Variants in TSPAN7 observed in about 807,000 individuals in gnomAD.
TSPAN7 encodes tetraspanin 7, also known as tetraspanin-7.
In TSPAN7, 1 loss-of-function variant was observed where a neutral mutation model predicts 17.6. That is an observed-to-expected ratio of 0.06 (90% CI 0.02 to 0.27). The LOEUF (loss-of-function observed/expected upper bound fraction) is 0.27. Among genes scored for constraint, TSPAN7 ranks in the 10% least tolerant of loss-of-function variants. The pLI, the probability that TSPAN7 is intolerant of heterozygous loss-of-function variation, is 1.00. For missense variants in TSPAN7, 112 were observed against 201.7 expected, an observed-to-expected ratio of 0.56 and a Z score of 2.69; for synonymous variants, 78 against 79.0, an observed-to-expected ratio of 0.99 and a Z score of 0.07.
At chrX:38,610,365 T>C (rs1002554721) in intron 1 of TSPAN7, among the ~76,000 whole-genome samples, 1 of 112,179 alleles carries the variant, frequency 8.9e-6, no homozygotes, top group Non-Finnish European at 1.9e-5. Flanking sequence ...CTATGCTGCA[T>C]GGCATATGTA....
intron 1 of TSPAN7, chrX:38,608,091 GTAAGAAA>G (rs1235149261): frequency 2.7e-5 from 3 of 110,355 alleles, no homozygotes; most frequent in Admixed American, 9.7e-5. Context: ...TGGCAGTGTG[GTAAGAAA>G]TAAGTCGAAG....
At chrX:38,659,516 T>C (rs780336106) in intron 1 of TSPAN7, among the ~76,000 whole-genome samples, 1 of 112,055 alleles carries the variant, frequency 8.9e-6, no homozygotes, top group Non-Finnish European at 1.9e-5. Context: ...ATCAGGTTTC[T>C]CTACTTCCTG....
intron 1 of TSPAN7, among the ~76,000 whole-genome samples, chrX:38,572,524 C>T (rs1485039165): frequency 1.8e-5 from 2 of 111,731 alleles, no homozygotes; most frequent in Non-Finnish European, 3.8e-5. Context: ...TTTATTCTTA[C>T]CTCAGACTGC....
intron 1 of TSPAN7, among the ~76,000 whole-genome samples, chrX:38,565,456 T>G (rs973500937): frequency 3.6e-5 from 4 of 111,966 alleles, no homozygotes; most frequent in African/African-American, 1.3e-4. Context: ...TCTCGATCCC[T>G]TGACCTCGTG....
rs199670154 is a variant in TSPAN7, at chrX:38,561,658, T to A, written c.81+31T>A. ...TGCCCACGCCGGGCCGGTGGCCGAG[T>A]CGCTGTCCATCGGTCCGTATGATGA... On this transcript the variant is annotated intron_variant, in intron 1 of 7. Coordinates refer to ENST00000378482, the MANE Select transcript of TSPAN7 (RefSeq NM_004615.4). 4.7e-5 allele frequency: 52 copies of A among 1,117,363 alleles called. No homozygotes were observed. The Admixed American group carries it at 6.4e-4, about 14-fold the overall frequency. The allele number at this position is 1,117,363 out of a possible 1,213,427, so 92.1% of individuals were successfully genotyped here. A position where few individuals can be genotyped will look rare whatever the true frequency, so the allele number is the denominator to read the frequency against.
chrX:38,680,018 A>G (rs1048407016), intron 5 of TSPAN7, among the ~76,000 whole-genome samples: 4 of 111,574 alleles, frequency 3.6e-5, no homozygotes, highest in African/African-American at 1.3e-4. Flanking sequence ...AAAAACAACT[A>G]TGGGTACTAG....
intron 1 of TSPAN7, among the ~76,000 whole-genome samples, chrX:38,602,929 T>C (rs1333943179): frequency 8.9e-6 from 1 of 111,842 alleles, no homozygotes; most frequent in Non-Finnish European, 1.9e-5. Flanking sequence ...GTGGATATTC[T>C]GTACTACCGA....
At chrX:38,663,850 G>C (rs1305783087) in intron 1 of TSPAN7, among the ~76,000 whole-genome samples, 3 of 112,258 alleles carry the variant, frequency 2.7e-5, no homozygotes, top group African/African-American at 9.7e-5. Context: ...TCTCATACTT[G>C]ATTAGCAGTA....
intron 1 of TSPAN7, among the ~76,000 whole-genome samples, chrX:38,584,973 T>C (rs2069250473): frequency 8.9e-6 from 1 of 112,466 alleles, no homozygotes; most frequent in African/African-American, 3.2e-5. Context: ...ATACTCTTTG[T>C]ATTTTGTAAC....
intron 1 of TSPAN7, among the ~76,000 whole-genome samples, chrX:38,650,202 C>T (rs1362548700): frequency 8.9e-6 from 1 of 112,343 alleles, no homozygotes; most frequent in Non-Finnish European, 1.9e-5. Flanking sequence ...TGCTTCCCTA[C>T]AGGATGCCCA....
intron 1 of TSPAN7, among the ~76,000 whole-genome samples, chrX:38,593,000 C>A (rs1398281391): frequency 9.1e-6 from 1 of 110,015 alleles, no homozygotes; most frequent in Non-Finnish European, 1.9e-5. Context: ...AAAATCTTTA[C>A]CTTTGTTTTT....
chrX:38,610,625 T>C (rs2069412939), intron 1 of TSPAN7, among the ~76,000 whole-genome samples: 3 of 111,083 alleles, frequency 2.7e-5, no homozygotes, highest in East Asian at 5.7e-4. Context: ...TGTGCAGCCA[T>C]GGTTGAGAAG....
intron 1 of TSPAN7, among the ~76,000 whole-genome samples, chrX:38,602,686 G>A (rs764969316): frequency 8.9e-6 from 1 of 111,962 alleles, no homozygotes; most frequent in Admixed American, 9.5e-5. Flanking sequence ...CAGGGTAAGA[G>A]AATGGAGAGG....
intron 1 of TSPAN7, among the ~76,000 whole-genome samples, chrX:38,662,611 GA>G (rs1424199589): frequency 1.4e-5 from 1 of 73,246 alleles, no homozygotes; most frequent in Non-Finnish European, 2.5e-5. Context: ...AGAGTGATAG[GA>G]TGGATAGGTA....
chrX:38,603,003 G>T (rs2069354469), intron 1 of TSPAN7, among the ~76,000 whole-genome samples: 1 of 111,629 alleles, frequency 9.0e-6, no homozygotes, highest in African/African-American at 3.3e-5. Context: ...CCACAAAATG[G>T]GAAAAACTTT....
Position 38,590,032 on chromosome X carries a change from C to A in TSPAN7, c.81+28405C>A, listed in dbSNP as rs923106447. Among the ~76,000 whole-genome samples the A allele has an allele frequency of 7.1e-5, 8 of 112,808 alleles. No homozygotes were observed. The Admixed American group carries it at 7.5e-4, about 11-fold the overall frequency. On this transcript the variant is annotated intron_variant, in intron 1 of 7. Transcript: ENST00000378482. ...TTTCTCCAACATTCTTATGACATAA[C>A]CCCTTGCATTTCTGCAAAATAATAT...
At chrX:38,577,483 A>C (rs978984220) in intron 1 of TSPAN7, among the ~76,000 whole-genome samples, 2 of 109,312 alleles carry the variant, frequency 1.8e-5, no homozygotes, top group African/African-American at 6.7e-5. Context: ...TTTTTTAGGC[A>C]TTCAAACTCA....
chrX:38,671,892 A>G (rs916346302), intron 3 of TSPAN7, among the ~76,000 whole-genome samples: 2 of 110,480 alleles, frequency 1.8e-5, no homozygotes, highest in Admixed American at 1.9e-4. Context: ...AAAATAAAAA[A>G]AATAAATTAG....
chrX:38,669,576 G>A (rs908412135), intron 2 of TSPAN7, among the ~76,000 whole-genome samples: 4 of 112,046 alleles, frequency 3.6e-5, no homozygotes, highest in African/African-American at 1.3e-4. Flanking sequence ...TAGGTAAAAC[G>A]GCCACTCTCT....
Sources: gnomAD v4.1 joint callset for allele counts (sites outside exome capture counted in the v4.1 genomes callset) on GRCh38, gnomAD v4.1.1 for gene constraint, MANE v1.5 for transcripts, NCBI Gene and HGNC (gene_info 2026-07-23, HGNC 2026-07-21) for gene names.